Variants in CACNB4 observed in about 807,000 individuals in gnomAD.
CACNB4 encodes voltage-dependent L-type calcium channel subunit beta-4.
CACNB4 carries 32 observed loss-of-function variants against 71.2 expected under a neutral mutation model. The observed-to-expected ratio is 0.45, with a 90% confidence interval of 0.34 to 0.60. The LOEUF (loss-of-function observed/expected upper bound fraction) is 0.60. CACNB4 is among the 20% of genes least tolerant of loss of function. The pLI is 0.01. For synonymous variants in CACNB4, 231 were observed against 236.9 expected, an observed-to-expected ratio of 0.97 and a Z score of 0.23; for missense variants, 464 against 647.9, an observed-to-expected ratio of 0.72 and a Z score of 3.08.
At position 151,953,015 on chromosome 2, in the gene CACNB4, C is replaced by T. The variant is rs146217059; in HGVS notation, c.148-69645G>A. Among the ~76,000 whole-genome samples, 8 of 152,184 alleles carry T rather than the reference C, an allele frequency of 5.3e-5. No individual in the cohort carries two copies. The East Asian group carries it at 5.8e-4, about 11-fold the overall frequency. On this transcript the variant is annotated intron_variant, in intron 2 of 13. Coordinates refer to ENST00000539935, the MANE Select transcript of CACNB4 (RefSeq NM_000726.5). ...GAAAAGAAGACTGGGTATATGTTTA[C>T]GGAGAGGAAACTGAATACTAGGTGG... is the stretch of plus-strand genomic sequence containing the variant.
rs980134670 is a variant in CACNB4, at chr2:151,835,390, G to A, written c.*3729C>T. 1.3e-5 allele frequency: 2 copies of A among 151,886 alleles called. No homozygotes were observed. Among genetic ancestry groups the A allele is most frequent in the African/African-American group, 2.4e-5 (1 of 41,438 alleles). The allele number at this position is 151,886 out of a possible 1,614,324, so 9.4% of individuals were successfully genotyped here. On this transcript the variant is annotated 3_prime_UTR_variant, in exon 14 of 14. Coordinates refer to ENST00000539935, the MANE Select transcript of CACNB4 (RefSeq NM_000726.5). ...TCTATGTATTTAGCTTTGCAGCAAG[G>A]TTAGCCAGAATAGTGATAATTTTGA...
At chr2:151,975,996 G>A (rs2099873716) in intron 2 of CACNB4, among the ~76,000 whole-genome samples, 1 of 152,228 alleles carries the variant, frequency 6.6e-6, no homozygotes, top group South Asian at 2.1e-4. Flanking sequence ...GTGGATGGCT[G>A]CCGTGGAGCG....
intron 2 of CACNB4, among the ~76,000 whole-genome samples, chr2:151,960,845 A>C (rs993467029): frequency 2.0e-5 from 3 of 152,238 alleles, no homozygotes; most frequent in Non-Finnish European, 4.4e-5. Context: ...TTGTTTCCCC[A>C]AAAGACACTC....
intron 2 of CACNB4, among the ~76,000 whole-genome samples, chr2:152,030,773 G>A (rs1364498899): frequency 6.6e-6 from 1 of 152,216 alleles, no homozygotes; most frequent in Non-Finnish European, 1.5e-5. Context: ...CAAAGGACGT[G>A]AACTCATCCT....
chr2:152,029,305 C>G (rs916472112), intron 2 of CACNB4, among the ~76,000 whole-genome samples: 1 of 151,702 alleles, frequency 6.6e-6, no homozygotes, highest in African/African-American at 2.4e-5. Flanking sequence ...CCAGCCTGGC[C>G]AACATGGTGA....
At position 151,890,070 on chromosome 2, in the gene CACNB4, C is replaced by T. The variant is rs76479723; in HGVS notation, c.148-6700G>A. On this transcript the variant is annotated intron_variant, in intron 2 of 13. Transcript: ENST00000539935. ...AATTACAGTCTTCAATGCCTTAATC[C>T]AGAGCGCTTGATAAGTATACATTCC... Among the ~76,000 whole-genome samples the T allele has an allele frequency of 1.2e-3, 189 of 152,146 alleles. 10 individuals carry two copies. The East Asian group carries it at 0.035, about 28-fold the overall frequency.
At chr2:151,908,469 A>G (rs2099855337) in intron 2 of CACNB4, among the ~76,000 whole-genome samples, 1 of 152,156 alleles carries the variant, frequency 6.6e-6, no homozygotes, top group Non-Finnish European at 1.5e-5. Context: ...GCTGTTAGCT[A>G]AGGTACCTTC....
chr2:152,098,687 G>A lies in CACNB4; in HGVS notation c.63+262C>T. 1 of 1,565,742 alleles carries A rather than the reference G, an allele frequency of 6.4e-7. No individual in the cohort carries two copies. Among genetic ancestry groups the A allele is most frequent in the Non-Finnish European group, 8.7e-7 (1 of 1,155,284 alleles). On this transcript the variant is annotated intron_variant, in intron 1 of 13. Coordinates refer to ENST00000539935, the MANE Select transcript of CACNB4 (RefSeq NM_000726.5). This position sits in a 1 kb window ranked among gnomAD's most constrained non-coding sequence, Gnocchi z 5.3. ...TCAGGGTGCGGGGTCCGAGTCCCCG[G>A]CATCCGCTGGGGGAGGCTGCGGGCT...
chr2:152,043,388 T>A (rs1684975947), intron 2 of CACNB4, among the ~76,000 whole-genome samples: 1 of 152,202 alleles, frequency 6.6e-6, no homozygotes, highest in Admixed American at 6.5e-5. Flanking sequence ...AGTGGCATGA[T>A]CATAGCTCAC....
chr2:151,892,385 A>C (rs1395007681), intron 2 of CACNB4, among the ~76,000 whole-genome samples: 1 of 152,098 alleles, frequency 6.6e-6, no homozygotes, highest in African/African-American at 2.4e-5. Context: ...AAAAAAGAAA[A>C]GACTTCCTTC....
rs561230404 is a variant in CACNB4, at chr2:152,091,192, C to G, written c.147+7138G>C. Among the ~76,000 whole-genome samples, 6 of 152,234 alleles carry G rather than the reference C, an allele frequency of 3.9e-5. No homozygotes were observed. In the East Asian group the frequency reaches 9.6e-4, roughly 24 times the overall value. On this transcript the variant is annotated intron_variant, in intron 2 of 13. Transcript: ENST00000539935. ...AGTTCAATTTATTTAAGCCCCAAAA[C>G]AAGAAGAAGCACAGTTTGCCAAGAG...
At chr2:151,987,326 G>C (rs907248194) in intron 2 of CACNB4, among the ~76,000 whole-genome samples, 2 of 152,068 alleles carry the variant, frequency 1.3e-5, no homozygotes, top group Admixed American at 6.5e-5. Context: ...TAGCTCAGTG[G>C]GGGGCAGCAC....
intron 2 of CACNB4, among the ~76,000 whole-genome samples, chr2:152,001,736 G>A (rs961812545): frequency 6.7e-6 from 1 of 148,900 alleles, no homozygotes; most frequent in African/African-American, 2.5e-5. Flanking sequence ...AAAAAAAAGA[G>A]AATGAGTTTT....
rs180733720 is a variant in CACNB4, at chr2:151,930,032, G to A, written c.148-46662C>T. 2.6e-3 allele frequency among the ~76,000 whole-genome samples: 402 copies of A among 152,154 alleles called. 2 individuals are homozygous for A. The highest frequency in any genetic ancestry group is 8.1e-3 in the African/African-American group (338 of 41,504). On this transcript the variant is annotated intron_variant, in intron 2 of 13. Coordinates refer to ENST00000539935, the MANE Select transcript of CACNB4 (RefSeq NM_000726.5). ...CAGATTTATACAGAAAAATAAATTC[G>A]TGATAAAGACCAGGAAAACTGTCAG...
chr2:151,973,700 A>G (rs368125827), intron 2 of CACNB4: 2 of 1,613,718 alleles, frequency 1.2e-6, no homozygotes, highest in Non-Finnish European at 1.7e-6. Flanking sequence ...ATGCAGGTAC[A>G]AATTGTCATA....
chr2:151,869,270 C>A, intron 8 of CACNB4, 35 bp from the exon 9 acceptor site: 14 of 1,295,052 alleles, frequency 1.1e-5, no homozygotes, highest in Non-Finnish European at 1.5e-5. Flanking sequence ...ATGAGGCAAA[C>A]ACATGCAGAG....
chr2:151,911,723 G>A (rs13025115), intron 2 of CACNB4, among the ~76,000 whole-genome samples: 144,837 of 152,236 alleles, frequency 0.95, 69,307 homozygotes, highest in East Asian at 1. Context: ...CTCTTTTTCA[G>A]TTGTTTGGAA....
intron 2 of CACNB4, among the ~76,000 whole-genome samples, chr2:151,907,030 C>T (rs2151522557): frequency 6.6e-6 from 1 of 152,266 alleles, no homozygotes; most frequent in Non-Finnish European, 1.5e-5. Flanking sequence ...AGCTTGTGTA[C>T]TCTGAGGTGA....
At chr2:152,078,862 T>C (rs1277877433) in intron 2 of CACNB4, among the ~76,000 whole-genome samples, 1 of 152,148 alleles carries the variant, frequency 6.6e-6, no homozygotes, top group African/African-American at 2.4e-5. Context: ...AAGAAATATA[T>C]ATTGATCTTT....
Sources: gnomAD v4.1 joint callset for allele counts (sites outside exome capture counted in the v4.1 genomes callset) on GRCh38, gnomAD v4.1.1 for gene constraint, Gnocchi (gnomAD v3.1) non-coding constraint, MANE v1.5 for transcripts, NCBI Gene and HGNC (gene_info 2026-07-23, HGNC 2026-07-21) for gene names.